The following PDE8A variants were observed in gnomAD, a reference collection of about 807,000 sequenced individuals.
The protein encoded by PDE8A is high affinity cAMP-specific and IBMX-insensitive 3',5'-cyclic phosphodiesterase 8A.
Under a neutral mutation model 105.0 loss-of-function variants are expected in PDE8A, and 59 were observed. The ratio of observed to expected loss-of-function variants is 0.56; its 90% confidence interval spans 0.46 to 0.70. The LOEUF (loss-of-function observed/expected upper bound fraction) is 0.70, where lower values mean the gene tolerates loss of function less well. PDE8A is among the 30% of genes least tolerant of loss of function. The pLI, the probability that PDE8A is intolerant of heterozygous loss-of-function variation, is 0.00. For synonymous variants in PDE8A, 355 were observed against 371.9 expected (o/e 0.95, Z 0.52); for missense variants, 1,014 against 1,045.9 (o/e 0.97, Z 0.42).
intron 1 of PDE8A, among the ~76,000 whole-genome samples, chr15:85,035,310 C>G (rs1356176171): frequency 6.8e-6 from 1 of 147,664 alleles, no homozygotes; most frequent in Non-Finnish European, 1.5e-5. Flanking sequence ...CCAGGTTCAA[C>G]CGATTCTCCT....
chr15:85,032,888 G>A (rs1242504881), intron 1 of PDE8A, among the ~76,000 whole-genome samples: 1 of 151,980 alleles, frequency 6.6e-6, no homozygotes, highest in African/African-American at 2.4e-5. Context: ...CTGGATTTTG[G>A]AGTGACCATG....
intron 4 of PDE8A, among the ~76,000 whole-genome samples, chr15:85,076,353 G>C (rs1411268510): frequency 1.3e-5 from 2 of 151,660 alleles, no homozygotes; most frequent in Admixed American, 6.6e-5. Flanking sequence ...ATACATAGAA[G>C]AAATGTTTCT....
chr15:85,050,280 T>G (rs2080952552), intron 1 of PDE8A, among the ~76,000 whole-genome samples: 1 of 152,194 alleles, frequency 6.6e-6, no homozygotes. Context: ...TTTACTCTGT[T>G]GATGTTGTCT....
intron 11 of PDE8A, among the ~76,000 whole-genome samples, chr15:85,106,909 G>C (rs1301302287): frequency 6.6e-6 from 1 of 152,140 alleles, no homozygotes; most frequent in Non-Finnish European, 1.5e-5. Flanking sequence ...CAGGTTTTTG[G>C]TGAAGCAGAT....
At chr15:85,122,862 C>G (rs554290781) in intron 18 of PDE8A, among the ~76,000 whole-genome samples, 199 bp from the exon 19 acceptor site, 2 of 152,204 alleles carry the variant, frequency 1.3e-5, no homozygotes, top group Non-Finnish European at 2.9e-5. Flanking sequence ...GTTTTAACTT[C>G]TTTTGAGGTT....
At chr15:85,069,875 C>T (rs904986556) in intron 3 of PDE8A, among the ~76,000 whole-genome samples, 5 of 152,152 alleles carry the variant, frequency 3.3e-5, no homozygotes, top group Non-Finnish European at 4.4e-5. Flanking sequence ...AGGGATGGGT[C>T]CTTGTGCTAA....
chr15:85,034,153 C>T (rs1421820016), intron 1 of PDE8A, among the ~76,000 whole-genome samples: 1 of 152,106 alleles, frequency 6.6e-6, no homozygotes, highest in East Asian at 1.9e-4. Context: ...GTATTATTAA[C>T]GATCATGGGA....
At chr15:85,027,139 A>C (rs1197473494) in intron 1 of PDE8A, among the ~76,000 whole-genome samples, 2 of 152,012 alleles carry the variant, frequency 1.3e-5, no homozygotes, top group African/African-American at 4.8e-5. Context: ...GCCCTCCAGG[A>C]CTCCCTGAAG....
chr15:85,068,843 A>G (rs1053262253), intron 3 of PDE8A, among the ~76,000 whole-genome samples: 2 of 152,226 alleles, frequency 1.3e-5, no homozygotes, highest in African/African-American at 4.8e-5. Context: ...GTATTGTAAA[A>G]GAAAATTTAA....
In PDE8A at chr15:85,117,699, C is replaced by T; in HGVS notation, c.1594C>T (p.His532Tyr). The T allele has an allele frequency of 1.2e-6, 2 of 1,614,076 alleles. No homozygotes were observed. Among genetic ancestry groups the T allele is most frequent in the Non-Finnish European group, 1.7e-6 (2 of 1,179,932 alleles). ...TCGCTTTGGAATCTGTGAATTCTTA[C>T]ACTGCTCCGAGTCAACGCTAAGATC... is the stretch of plus-strand genomic sequence containing the variant. ...FARFGICEFLHCSESTLRSWL... is the reference protein window; with the variant it reads ...FARFGICEFLYCSESTLRSWL... The change falls in exon 17 of 22, where the codon CAC becomes TAC. Residue 532 changes from histidine (H) to tyrosine (Y), a missense_variant. His to Tyr is a moderately conservative substitution (Grantham distance 83, BLOSUM62 2). Transcript: ENST00000394553.
intron 1 of PDE8A, among the ~76,000 whole-genome samples, chr15:85,023,584 TGGA>T (rs1249434971): frequency 1.3e-5 from 2 of 151,384 alleles, no homozygotes; most frequent in African/African-American, 4.8e-5. Flanking sequence ...AGAGAATTAT[TGGA>T]GGAGGAATTA....
chr15:85,035,808 A>C (rs2080696986), intron 1 of PDE8A, among the ~76,000 whole-genome samples: 1 of 152,230 alleles, frequency 6.6e-6, no homozygotes, highest in Non-Finnish European at 1.5e-5. Flanking sequence ...AAGTGTCATA[A>C]TATGTGGTCC....
intron 1 of PDE8A, among the ~76,000 whole-genome samples, chr15:85,018,467 C>G (rs1397203107): frequency 1.3e-5 from 2 of 152,184 alleles, no homozygotes; most frequent in African/African-American, 4.8e-5. Flanking sequence ...ACGTCAATCT[C>G]TAGTATCCAT....
At chr15:85,043,495 A>T (rs954053714) in intron 1 of PDE8A, among the ~76,000 whole-genome samples, 1 of 152,172 alleles carries the variant, frequency 6.6e-6, no homozygotes, top group Non-Finnish European at 1.5e-5. Flanking sequence ...GGATTGGGTT[A>T]TCTCTCCTAT....
At chr15:85,062,848 A>C (rs2081167689) in intron 1 of PDE8A, 1 of 152,270 alleles carries the variant, frequency 6.6e-6, no homozygotes, top group East Asian at 1.9e-4. Flanking sequence ...GTGGGGAAAC[A>C]GATTCCTGGT....
intron 14 of PDE8A, among the ~76,000 whole-genome samples, chr15:85,114,801 C>T (rs1212649215): frequency 6.6e-6 from 1 of 152,102 alleles, no homozygotes; most frequent in Non-Finnish European, 1.5e-5. Flanking sequence ...ACAGGGTCTC[C>T]TCCAGACTGC....
intron 1 of PDE8A, among the ~76,000 whole-genome samples, chr15:85,052,099 T>G (rs1181955505): frequency 6.6e-6 from 1 of 152,178 alleles, no homozygotes; most frequent in Non-Finnish European, 1.5e-5. Context: ...TGCAATAGTT[T>G]GCTCAGAATG....
intron 11 of PDE8A, among the ~76,000 whole-genome samples, chr15:85,106,510 A>G (rs984130479): frequency 6.6e-6 from 1 of 152,194 alleles, no homozygotes; most frequent in Admixed American, 6.5e-5. Context: ...ACAAATAATC[A>G]TAAGTTCTCA....
At chr15:85,104,599 G>A (rs762920005) in intron 11 of PDE8A, among the ~76,000 whole-genome samples, 1 of 152,144 alleles carries the variant, frequency 6.6e-6, no homozygotes, top group Non-Finnish European at 1.5e-5. Flanking sequence ...CCAGCTTACT[G>A]TGTGGGATAA....
Sources: allele counts gnomAD v4.1 joint callset (sites outside exome capture counted in the v4.1 genomes callset), GRCh38; gene constraint gnomAD v4.1.1; transcripts MANE v1.5; gene names NCBI Gene and HGNC (gene_info 2026-07-23, HGNC 2026-07-21).